Variants in GLIS1 observed in about 807,000 individuals in gnomAD.
The protein encoded by GLIS1 is GLIS family zinc finger 1.
Under a neutral mutation model 63.8 loss-of-function variants are expected in GLIS1, and 24 were observed. That is an observed-to-expected ratio of 0.38 (90% CI 0.27 to 0.53). The LOEUF (loss-of-function observed/expected upper bound fraction) is 0.53. Among genes scored for constraint, GLIS1 ranks in the 20% least tolerant of loss-of-function variants. The pLI is 0.85. For synonymous variants in GLIS1, 450 were observed against 482.5 expected (o/e 0.93, Z 0.88); for missense variants, 1,036 against 1,074.1 (o/e 0.96, Z 0.50).
intron 2 of GLIS1, among the ~76,000 whole-genome samples, chr1:53,695,645 G>A (rs1480900438): frequency 6.6e-6 from 1 of 152,198 alleles, no homozygotes; most frequent in Non-Finnish European, 1.5e-5. Context: ...TCCAGTTCAG[G>A]AAGGCAGGAG....
intron 2 of GLIS1, among the ~76,000 whole-genome samples, chr1:53,671,359 A>G (rs1646148678): frequency 6.6e-6 from 1 of 152,186 alleles, no homozygotes; most frequent in South Asian, 2.1e-4. Context: ...TCAGGTGAAA[A>G]TACTCTCCTC....
At chr1:53,508,278 C>T (rs529374790) in intron 10 of GLIS1, among the ~76,000 whole-genome samples, 10 of 152,344 alleles carry the variant, frequency 6.6e-5, no homozygotes, top group East Asian at 1.9e-4. Context: ...CTGGCACGGG[C>T]GCAGGTGTGT....
chr1:53,524,693 C>A, intron 6 of GLIS1, 84 bp downstream of exon 6: 1 of 892,326 alleles, frequency 1.1e-6, no homozygotes. Context: ...TGGGCAGATG[C>A]ATGTGTTGAG....
At chr1:53,562,254 G>A (rs117931935) in intron 4 of GLIS1, among the ~76,000 whole-genome samples, 2 of 152,300 alleles carry the variant, frequency 1.3e-5, no homozygotes, top group East Asian at 3.9e-4. Context: ...TGCTACAGAT[G>A]AGGTTCCTGC....
chr1:53,580,479 T>C (rs1192110185), intron 4 of GLIS1, among the ~76,000 whole-genome samples: 1 of 152,124 alleles, frequency 6.6e-6, no homozygotes, highest in South Asian at 2.1e-4. Flanking sequence ...GAGCCCAAAT[T>C]ACACGTGACT....
At position 53,556,237 on chromosome 1, in the gene GLIS1, G is replaced by C. The variant is rs537029934; in HGVS notation, c.1321-26285C>G. Among the ~76,000 whole-genome samples the C allele has an allele frequency of 9.1e-3, 1,215 of 132,856 alleles. 9 individuals carry two copies. The highest frequency in any genetic ancestry group is 0.034 in the African/African-American group (1,162 of 34,544). 87.2% of individuals were successfully genotyped at this position (132,856 alleles called of 152,430 possible). A position where few individuals can be genotyped will look rare whatever the true frequency, so the allele number is the denominator to read the frequency against. On this transcript the variant is annotated intron_variant, in intron 4 of 10. Transcript: ENST00000628545. ...AGGTGTGTGTGTATGCAGGTGTACTGTAGGTGTGTGTGTGTGTGCAGGTGT... is the reference window on the plus strand; with the variant it reads ...AGGTGTGTGTGTATGCAGGTGTACTCTAGGTGTGTGTGTGTGTGCAGGTGT...
At chr1:53,696,570 C>T (rs954569074) in intron 2 of GLIS1, among the ~76,000 whole-genome samples, 6 of 152,166 alleles carry the variant, frequency 3.9e-5, no homozygotes, top group Non-Finnish European at 8.8e-5. Context: ...TCCATGGCCC[C>T]CTCTACCTAC....
intron 2 of GLIS1, among the ~76,000 whole-genome samples, chr1:53,669,477 C>G (rs1646128950): frequency 6.6e-6 from 1 of 152,188 alleles, no homozygotes; most frequent in South Asian, 2.1e-4. Context: ...GGAGATCTGT[C>G]AACCAGGTAA....
intron 2 of GLIS1, among the ~76,000 whole-genome samples, chr1:53,655,129 G>A (rs1366478340): frequency 6.6e-6 from 1 of 152,150 alleles, no homozygotes; most frequent in African/African-American, 2.4e-5. Flanking sequence ...TTTTTTAGGT[G>A]AGGAAACTGA....
rs1205533095 is a variant in GLIS1 at position 53,639,308 on chromosome 1, T to C, written c.260-39030A>G. Among the ~76,000 whole-genome samples, 1 of 151,972 alleles carries C rather than the reference T, an allele frequency of 6.6e-6. No homozygotes were observed. Among genetic ancestry groups the C allele is most frequent in the Non-Finnish European group, 1.5e-5 (1 of 67,978 alleles). On this transcript the variant is annotated intron_variant, in intron 2 of 10. Coordinates refer to ENST00000628545, the MANE Select transcript of GLIS1 (RefSeq NM_001367484.1). The surrounding 1 kb of genome is among the most constrained non-coding windows in gnomAD (Gnocchi z 4.6). The stretch of plus-strand genomic sequence containing the variant: ...AGAAAGTGCCAGTGGGCTCCACCAG[T>C]CCCACCCTCGTTCGGAGGTGTCCCC...
chr1:53,684,781 C>G (rs1423109902), intron 2 of GLIS1, among the ~76,000 whole-genome samples: 1 of 152,238 alleles, frequency 6.6e-6, no homozygotes, highest in East Asian at 1.9e-4. Context: ...CTCCCAGCAC[C>G]CCTACCCCAT....
chr1:53,671,996 G>A (rs1646157343), intron 2 of GLIS1, among the ~76,000 whole-genome samples: 1 of 152,176 alleles, frequency 6.6e-6, no homozygotes, highest in African/African-American at 2.4e-5. Context: ...GAAATTCTCA[G>A]CTTTTCCCTC....
At chr1:53,553,891 G>A (rs1247989049) in intron 4 of GLIS1, among the ~76,000 whole-genome samples, 1 of 152,196 alleles carries the variant, frequency 6.6e-6, no homozygotes. Flanking sequence ...CTCTGGAGAG[G>A]TGGGGGTGCT....
intron 2 of GLIS1, among the ~76,000 whole-genome samples, chr1:53,729,332 C>G (rs978674045): frequency 6.6e-5 from 10 of 152,150 alleles, no homozygotes; most frequent in African/African-American, 2.2e-4. Flanking sequence ...ACGAGAAGCC[C>G]TAGCACAGAG....
chr1:53,512,953 C>T (rs1036218530), intron 8 of GLIS1, among the ~76,000 whole-genome samples: 1 of 152,170 alleles, frequency 6.6e-6, no homozygotes, highest in South Asian at 2.1e-4. Flanking sequence ...CAGTGTCAGG[C>T]GTGTGTACGG....
chr1:53,537,523 G>A (rs1644593145), intron 4 of GLIS1, among the ~76,000 whole-genome samples: 1 of 152,196 alleles, frequency 6.6e-6, no homozygotes, highest in South Asian at 2.1e-4. Context: ...GCCTGAACCT[G>A]GGCTAGTCAC....
chr1:53,704,746 T>C (rs1197734609), intron 2 of GLIS1, among the ~76,000 whole-genome samples: 1 of 152,194 alleles, frequency 6.6e-6, no homozygotes, highest in African/African-American at 2.4e-5. Context: ...CTGTGGGCTC[T>C]AGCAGCCCCC....
intron 2 of GLIS1, among the ~76,000 whole-genome samples, chr1:53,614,405 C>T (rs535609029): frequency 2.6e-5 from 4 of 152,042 alleles, no homozygotes; most frequent in Admixed American, 6.6e-5. Flanking sequence ...ACAAAGGACC[C>T]GAGGCTGGAG....
chr1:53,729,848 T>C (rs1465203910), intron 2 of GLIS1, among the ~76,000 whole-genome samples: 1 of 152,188 alleles, frequency 6.6e-6, no homozygotes, highest in Non-Finnish European at 1.5e-5. Flanking sequence ...TGTCTCCAAA[T>C]TAGAAACCCT....
Sources: allele counts gnomAD v4.1 joint callset (sites outside exome capture counted in the v4.1 genomes callset), GRCh38; gene constraint gnomAD v4.1.1; non-coding constraint Gnocchi (gnomAD v3.1); transcripts MANE v1.5; gene names NCBI Gene and HGNC (gene_info 2026-07-23, HGNC 2026-07-21).